The following LCLAT1 variants were observed in gnomAD, a reference collection of about 807,000 sequenced individuals.
LCLAT1 encodes the protein 1-AGP acyltransferase 8.
A neutral mutation model predicts 30.7 loss-of-function variants in LCLAT1; 11 were observed. That is an observed-to-expected ratio of 0.36 (90% CI 0.23 to 0.59). The LOEUF (loss-of-function observed/expected upper bound fraction) is 0.59, where lower values mean the gene tolerates loss of function less well. LCLAT1 is among the 20% of genes least tolerant of loss of function. The pLI is 0.77. For missense variants in LCLAT1, 402 were observed against 458.6 expected, an observed-to-expected ratio of 0.88 and a Z score of 1.13; for synonymous variants, 155 against 151.3, an observed-to-expected ratio of 1.02 and a Z score of -0.18.
At chr2:30,523,257 A>G (rs1214424571) in intron 1 of LCLAT1, among the ~76,000 whole-genome samples, 1 of 126,096 alleles carries the variant, frequency 7.9e-6, no homozygotes, top group African/African-American at 3.1e-5. Context: ...CCAAATTAAG[A>G]TGTTCGTAGG....
intron 1 of LCLAT1, among the ~76,000 whole-genome samples, chr2:30,475,709 G>A (rs1177996812): frequency 6.6e-6 from 1 of 152,106 alleles, no homozygotes; most frequent in Admixed American, 6.5e-5. Flanking sequence ...TCCTTTTAGT[G>A]ATTCTTTCTG....
intron 1 of LCLAT1, among the ~76,000 whole-genome samples, chr2:30,447,953 G>A (rs1455282854): frequency 6.6e-6 from 1 of 152,062 alleles, no homozygotes; most frequent in Non-Finnish European, 1.5e-5. Flanking sequence ...AAGAAAGGTA[G>A]GCCCTAGCCA....
At chr2:30,585,811 T>C (rs1335610102) in intron 5 of LCLAT1, among the ~76,000 whole-genome samples, 2 of 152,204 alleles carry the variant, frequency 1.3e-5, no homozygotes, top group African/African-American at 4.8e-5. Context: ...TCTTGCCTGC[T>C]GCTTGCCTTC....
chr2:30,451,002 T>C (rs1006075610), intron 1 of LCLAT1, among the ~76,000 whole-genome samples: 1 of 152,204 alleles, frequency 6.6e-6, no homozygotes, highest in Non-Finnish European at 1.5e-5. Flanking sequence ...TTTATTTGTG[T>C]GTGTGTAGCA....
At chr2:30,519,977 GC>G (rs1685395725) in intron 1 of LCLAT1, among the ~76,000 whole-genome samples, 1 of 152,200 alleles carries the variant, frequency 6.6e-6, no homozygotes, top group African/African-American at 2.4e-5. Flanking sequence ...CCGGGGAGGT[GC>G]CCATTGCCGC....
intron 5 of LCLAT1, among the ~76,000 whole-genome samples, chr2:30,580,855 A>G (rs1283205485): frequency 6.6e-6 from 1 of 152,164 alleles, no homozygotes; most frequent in African/African-American, 2.4e-5. Context: ...ATTCTAAGAG[A>G]GTTTATTATC....
chr2:30,590,818 A>C (rs1246016715), intron 5 of LCLAT1, among the ~76,000 whole-genome samples: 1 of 152,086 alleles, frequency 6.6e-6, no homozygotes, highest in East Asian at 1.9e-4. Flanking sequence ...ACAAAGTTCA[A>C]AGGCGTTAAA....
intron 5 of LCLAT1, among the ~76,000 whole-genome samples, chr2:30,575,432 C>G (rs1394698344): frequency 1.3e-5 from 2 of 152,142 alleles, no homozygotes; most frequent in Non-Finnish European, 2.9e-5. Context: ...GCATCTCTCG[C>G]ATACACACAT....
chr2:30,525,608 G>T lies in LCLAT1; in HGVS notation c.18G>T (p.Gly6=), dbSNP rs1327222006. The T allele has an allele frequency of 6.2e-7, 1 of 1,613,618 alleles. No homozygotes were observed. The highest frequency in any genetic ancestry group is 1.3e-5 in the African/African-American group (1 of 75,042). ...TCAGAATCATGGTGTCATGGAAAGG[G>T]ATTTACTTTATACTGACTCTGTTTT... MVSWK[G]IYFILTLFWG... is the part of the protein sequence containing the mutation. Residue 6 remains glycine (G), a synonymous_variant, in exon 2 of 6, where the codon GGG becomes GGT. Transcript: ENST00000379509.
chr2:30,552,640 A>G (rs1402316576), intron 3 of LCLAT1: 1 of 328,538 alleles, frequency 3.0e-6, no homozygotes, highest in African/African-American at 2.2e-5. Flanking sequence ...AGCATTACCC[A>G]GTTTGTAATG....
At chr2:30,512,029 A>C (rs1684963084) in intron 1 of LCLAT1, among the ~76,000 whole-genome samples, 1 of 152,160 alleles carries the variant, frequency 6.6e-6, no homozygotes, top group Non-Finnish European at 1.5e-5. Context: ...CAGGATAGTC[A>C]ACATTTGGCT....
intron 5 of LCLAT1, among the ~76,000 whole-genome samples, chr2:30,610,217 C>T (rs1486655413): frequency 1.3e-5 from 2 of 151,764 alleles, no homozygotes; most frequent in East Asian, 3.9e-4. Context: ...CCTTAATAAA[C>T]CCTGTGAAAA....
At chr2:30,467,170 A>C (rs1038766185) in intron 1 of LCLAT1, among the ~76,000 whole-genome samples, 1 of 151,752 alleles carries the variant, frequency 6.6e-6, no homozygotes, top group Non-Finnish European at 1.5e-5. Flanking sequence ...ATTCCCACCT[A>C]TGAGTGAGAA....
intron 1 of LCLAT1, chr2:30,459,538 T>G (rs1190026579): frequency 7.2e-6 from 7 of 975,480 alleles, no homozygotes; most frequent in Non-Finnish European, 1.2e-5. Flanking sequence ...TTCTCCCATT[T>G]GTCCTGTTCA....
intron 5 of LCLAT1, among the ~76,000 whole-genome samples, chr2:30,569,314 T>C (rs1431085350): frequency 6.6e-6 from 1 of 152,248 alleles, no homozygotes; most frequent in Non-Finnish European, 1.5e-5. Context: ...TAGTTCTGCA[T>C]ATTTGCAAGT....
At chr2:30,608,243 C>A (rs992111723) in intron 5 of LCLAT1, among the ~76,000 whole-genome samples, 1 of 151,148 alleles carries the variant, frequency 6.6e-6, no homozygotes, top group Non-Finnish European at 1.5e-5. Context: ...ATAGCTTGAA[C>A]CTGGGAGGCG....
At chr2:30,594,880 C>T (rs1666861128) in intron 5 of LCLAT1, among the ~76,000 whole-genome samples, 1 of 152,076 alleles carries the variant, frequency 6.6e-6, no homozygotes, top group African/African-American at 2.4e-5. Flanking sequence ...AAATATTTTA[C>T]TCAAGTATAA....
chr2:30,515,644 CTCTA>C (rs1685145160), intron 1 of LCLAT1, among the ~76,000 whole-genome samples: 1 of 152,188 alleles, frequency 6.6e-6, no homozygotes, highest in Non-Finnish European at 1.5e-5. Flanking sequence ...CAGTTCACTT[CTCTA>C]TCTCTGTTAT....
At chr2:30,453,666 A>G (rs1681677652) in intron 1 of LCLAT1, among the ~76,000 whole-genome samples, 1 of 152,142 alleles carries the variant, frequency 6.6e-6, no homozygotes, top group Admixed American at 6.5e-5. Context: ...GTAGAGGGGG[A>G]GATAAACACA....
Sources: allele counts gnomAD v4.1 joint callset (sites outside exome capture counted in the v4.1 genomes callset), GRCh38; gene constraint gnomAD v4.1.1; transcripts MANE v1.5; gene names NCBI Gene and HGNC (gene_info 2026-07-23, HGNC 2026-07-21).